ACAD11: variants seen among roughly 807,000 people sequenced by gnomAD.
The protein encoded by ACAD11 is acyl-CoA dehydrogenase family member 11.
ACAD11 carries 83 observed loss-of-function variants against 102.2 expected under a neutral mutation model. The observed-to-expected ratio is 0.81, with a 90% CI of 0.68 to 0.97. The LOEUF (loss-of-function observed/expected upper bound fraction) is 0.97. ACAD11 is among the 50% of genes least tolerant of loss of function. ACAD11 has a pLI of 0.00. For missense variants in ACAD11, 901 were observed against 951.7 expected (o/e 0.95, Z 0.70); for synonymous variants, 324 against 319.8 (o/e 1.01, Z -0.14).
intron 13 of ACAD11, among the ~76,000 whole-genome samples, chr3:132,596,759 T>C (rs1262565870): frequency 6.6e-6 from 1 of 152,202 alleles, no homozygotes; most frequent in Non-Finnish European, 1.5e-5. Flanking sequence ...GAAAGTACAG[T>C]GAAGCCAGGA....
chr3:132,566,970 A>T (rs567012135), intron 17 of ACAD11, among the ~76,000 whole-genome samples: 1 of 152,206 alleles, frequency 6.6e-6, no homozygotes, highest in African/African-American at 2.4e-5. Context: ...GAAAATAATT[A>T]AGACAATTAT....
chr3:132,573,697 C>T (rs1937449086), intron 17 of ACAD11, among the ~76,000 whole-genome samples: 2 of 152,182 alleles, frequency 1.3e-5, no homozygotes, highest in Admixed American at 6.5e-5. Context: ...AAGACATTTA[C>T]TTCTCAGCTT....
chr3:132,595,035 A>C lies in ACAD11; in HGVS notation c.1621+8194T>G, dbSNP rs575714676. 2.6e-5 allele frequency among the ~76,000 whole-genome samples: 4 copies of C among 152,352 alleles called. No individual in the cohort carries two copies. In the East Asian group the frequency reaches 5.8e-4, roughly 22 times the overall value. On this transcript the variant is annotated intron_variant, in intron 13 of 19. Coordinates refer to ENST00000264990, the MANE Select transcript of ACAD11 (RefSeq NM_032169.5). ...TAATACAGGGTGAAAGACAAATTAC[A>C]GCAATCACAGCATAAATGATATGGT...
intron 17 of ACAD11, among the ~76,000 whole-genome samples, chr3:132,563,255 T>G (rs1559929360): frequency 1.3e-5 from 2 of 152,208 alleles, no homozygotes; most frequent in Non-Finnish European, 2.9e-5. Context: ...TCACTGAGCT[T>G]TCTTCTTTTT....
chr3:132,638,768 T>C (rs1940371392), intron 5 of ACAD11, among the ~76,000 whole-genome samples: 1 of 152,228 alleles, frequency 6.6e-6, no homozygotes, highest in Non-Finnish European at 1.5e-5. Flanking sequence ...ATTTAATTTT[T>C]CTAATCTCAG....
At chr3:132,653,559 A>AT (rs1937626757) in intron 1 of ACAD11, among the ~76,000 whole-genome samples, 1 of 152,128 alleles carries the variant, frequency 6.6e-6, no homozygotes, top group Non-Finnish European at 1.5e-5. Context: ...ATATGATGTT[A>AT]TTTTTTAAAA....
intron 13 of ACAD11, among the ~76,000 whole-genome samples, chr3:132,586,900 C>A (rs911841465): frequency 1.3e-5 from 2 of 152,170 alleles, no homozygotes; most frequent in African/African-American, 4.8e-5. Flanking sequence ...CGAGACCAGC[C>A]TGGCCAACAT....
chr3:132,615,335 A>C (rs1300658100), intron 11 of ACAD11, among the ~76,000 whole-genome samples: 1 of 152,204 alleles, frequency 6.6e-6, no homozygotes, highest in African/African-American at 2.4e-5. Flanking sequence ...ATATATACCG[A>C]AAGGATTATA....
intron 18 of ACAD11, 55 bp from the exon 19 acceptor site, chr3:132,559,997 G>A: frequency 1.5e-6 from 2 of 1,366,370 alleles, no homozygotes; most frequent in African/African-American, 1.4e-5. Flanking sequence ...ACACAATGTG[G>A]CAAAACTGGG....
In ACAD11 at chr3:132,631,494, A is replaced by G. The variant is rs1940040022; in HGVS notation, c.703-15T>C. The G allele has an allele frequency of 1.4e-6, 2 of 1,448,824 alleles. No individual in the cohort carries two copies. The highest frequency in any genetic ancestry group is 1.8e-6 in the Non-Finnish European group (2 of 1,094,426). The allele number at this position is 1,448,824 out of a possible 1,614,324, so 89.7% of individuals were successfully genotyped here. ...ATAACTCGACACTGTAATTAAAAAT[A>G]AAGAGGTCTGTAACACATTAAAACT... On this transcript the variant is annotated splice_polypyrimidine_tract_variant and intron_variant, in intron 5 of 19. Transcript: ENST00000264990.
At chr3:132,635,954 A>G (rs2107874957) in intron 5 of ACAD11, among the ~76,000 whole-genome samples, 1 of 152,214 alleles carries the variant, frequency 6.6e-6, no homozygotes, top group South Asian at 2.1e-4. Context: ...ACATCATTCT[A>G]TTTGTTATCT....
At chr3:132,601,769 C>T (rs1272089093) in intron 13 of ACAD11, 3 of 411,338 alleles carry the variant, frequency 7.3e-6, no homozygotes, top group Non-Finnish European at 1.4e-5. Flanking sequence ...TACAAATCTA[C>T]ACAAGTGATA....
At position 132,575,934 on chromosome 3, in the gene ACAD11, G is replaced by A. The variant is rs1490781642; in HGVS notation, c.1847-8C>T. ...CAAATCCCCTACCTTCACCTGGGAA[G>A]AAAGGGGAAAAAAAGGGGGAATGTG... On this transcript the variant is annotated splice_region_variant and splice_polypyrimidine_tract_variant and intron_variant, in intron 16 of 19. Transcript: ENST00000264990. The A allele has an allele frequency of 1.0e-5, 16 of 1,606,258 alleles. No homozygotes were observed. The highest frequency in any genetic ancestry group is 5.1e-5 in the Admixed American group (3 of 58,484).
chr3:132,609,270 A>G (rs1185401964), intron 11 of ACAD11, among the ~76,000 whole-genome samples: 1 of 152,200 alleles, frequency 6.6e-6, no homozygotes, highest in African/African-American at 2.4e-5. Flanking sequence ...AGCTAGCAGA[A>G]GACAAGAAAT....
intron 13 of ACAD11, among the ~76,000 whole-genome samples, chr3:132,586,235 G>T (rs548434779): frequency 2.6e-5 from 4 of 152,002 alleles, no homozygotes; most frequent in South Asian, 2.1e-4. Flanking sequence ...GCAAACTATC[G>T]CAAGGACAAA....
chr3:132,589,012 T>C (rs1003205496), intron 13 of ACAD11, among the ~76,000 whole-genome samples: 6 of 152,128 alleles, frequency 3.9e-5, no homozygotes, highest in Non-Finnish European at 5.9e-5. Context: ...AAGGCGGTGA[T>C]TAAGTGATTA....
intron 13 of ACAD11, among the ~76,000 whole-genome samples, chr3:132,598,858 T>C (rs1423792437): frequency 6.6e-6 from 1 of 152,176 alleles, no homozygotes; most frequent in East Asian, 1.9e-4. Context: ...CTAAGGAGCT[T>C]GGATTGTGGC....
chr3:132,612,030 CA>C (rs1939175655), intron 11 of ACAD11, among the ~76,000 whole-genome samples: 1 of 151,902 alleles, frequency 6.6e-6, no homozygotes, highest in African/African-American at 2.4e-5. Context: ...AACAGAGATA[CA>C]GACCAATGGA....
intron 1 of ACAD11, among the ~76,000 whole-genome samples, chr3:132,656,213 A>G (rs1057190591): frequency 1.3e-5 from 2 of 152,158 alleles, no homozygotes; most frequent in Non-Finnish European, 2.9e-5. Flanking sequence ...ACTGCAATTT[A>G]TTCATCCATT....
Sources: gnomAD v4.1 joint callset for allele counts (sites outside exome capture counted in the v4.1 genomes callset) on GRCh38, gnomAD v4.1.1 for gene constraint, MANE v1.5 for transcripts, NCBI Gene and HGNC (gene_info 2026-07-23, HGNC 2026-07-21) for gene names.